The following AJAP1 variants were observed in gnomAD, a reference collection of about 807,000 sequenced individuals.
AJAP1 encodes the protein adherens junctions associated protein 1, also known as adherens junction-associated protein 1.
Under a neutral mutation model 35.0 loss-of-function variants are expected in AJAP1, and 5 were observed. That is an observed-to-expected ratio of 0.14 (90% confidence interval 0.07 to 0.30). The LOEUF is 0.30. Among genes scored for constraint, AJAP1 ranks in the 10% least tolerant of loss-of-function variants. AJAP1 has a pLI of 1.00. For synonymous variants in AJAP1, 284 were observed against 249.3 expected (o/e 1.14, Z -1.31); for missense variants, 586 against 571.0 (o/e 1.03, Z -0.27).
chr1:4,686,013 A>G (rs1413782445), intron 1 of AJAP1, among the ~76,000 whole-genome samples: 1 of 152,210 alleles, frequency 6.6e-6, no homozygotes, highest in Non-Finnish European at 1.5e-5. Flanking sequence ...TGTTTTCTGC[A>G]AGTAAATCCA....
intron 1 of AJAP1, among the ~76,000 whole-genome samples, chr1:4,681,276 G>A (rs1315222966): frequency 6.6e-6 from 1 of 152,238 alleles, no homozygotes; most frequent in African/African-American, 2.4e-5. Flanking sequence ...CACGGACAGT[G>A]TGCAAAATTG....
chr1:4,712,695 C>A lies in AJAP1; in HGVS notation c.825C>A (p.Ala275=). The A allele has an allele frequency of 6.6e-7, 1 of 1,512,328 alleles. No individual in the cohort carries two copies. The highest frequency in any genetic ancestry group is 8.9e-7 in the Non-Finnish European group (1 of 1,127,894). 93.7% of individuals were successfully genotyped at this position (1,512,328 alleles called of 1,614,324 possible). A position where few individuals can be genotyped will look rare whatever the true frequency, so the allele number is the denominator to read the frequency against. The change falls in exon 2 of 6, where the codon GCC becomes GCA. Residue 275 remains alanine (A), a synonymous_variant. Transcript: ENST00000378191. ...AGCCCCCAAGGATTCTGGGGGAGGCCTCAGGTACAGCCATCTCTCTTCTGG... is the reference window on the plus strand; with the variant it reads ...AGCCCCCAAGGATTCTGGGGGAGGCATCAGGTACAGCCATCTCTCTTCTGG... ...VTQPPRILGE[A]SGLAVHQIIT...
chr1:4,670,737 C>T (rs749603921), intron 1 of AJAP1, among the ~76,000 whole-genome samples: 1 of 152,246 alleles, frequency 6.6e-6, no homozygotes, highest in African/African-American at 2.4e-5. Flanking sequence ...CAAGAATGCA[C>T]TGGACAGCCT....
At chr1:4,729,863 T>G (rs1162984546) in intron 2 of AJAP1, among the ~76,000 whole-genome samples, 1 of 152,226 alleles carries the variant, frequency 6.6e-6, no homozygotes, top group Non-Finnish European at 1.5e-5. Flanking sequence ...GATGAGCTCC[T>G]TAGTCACATC....
rs909536547 is a variant in AJAP1, at chr1:4,723,620, G to C, written c.829+10921G>C. On this transcript the variant is annotated intron_variant, in intron 2 of 5. Transcript: ENST00000378191. This position sits in a 1 kb window ranked among gnomAD's most constrained non-coding sequence, Gnocchi z 4.3. ...GAGGCTGCTGGAGACGTGGTGAGGG[G>C]AGAGTCCTGCGAGGGCGATGGAAGG... Among the ~76,000 whole-genome samples, 5 of 152,138 alleles carry C rather than the reference G, an allele frequency of 3.3e-5. No individual in the cohort carries two copies. Among genetic ancestry groups the C allele is most frequent in the African/African-American group, 1.2e-4 (5 of 41,436 alleles).
chr1:4,732,494 C>T (rs998951340), intron 2 of AJAP1, among the ~76,000 whole-genome samples: 1 of 152,280 alleles, frequency 6.6e-6, no homozygotes, highest in Non-Finnish European at 1.5e-5. Flanking sequence ...GGCCTGCCAG[C>T]TGTCCCTCAG....
chr1:4,769,619 C>G (rs1380913464), intron 2 of AJAP1, among the ~76,000 whole-genome samples: 2 of 152,132 alleles, frequency 1.3e-5, no homozygotes, highest in African/African-American at 2.4e-5. Context: ...AAGGAGAGAG[C>G]CCAGAGCTGG....
rs1232728509 is a variant in AJAP1 at position 4,769,704 on chromosome 1, C to A, written c.830-149C>A. 8.4e-6 allele frequency: 6 copies of A among 715,184 alleles called. No homozygotes were observed. In the East Asian group the frequency reaches 1.2e-4, roughly 15 times the overall value. 44.3% of individuals were successfully genotyped at this position (715,184 alleles called of 1,614,324 possible). A position where few individuals can be genotyped will look rare whatever the true frequency, so the allele number is the denominator to read the frequency against. On this transcript the variant is annotated intron_variant, in intron 2 of 5. Transcript: ENST00000378191. The stretch of plus-strand genomic sequence containing the variant: ...TGCAGTCGAGGAGGAGAGAACTGAG[C>A]ACCTGTCATGCTGCCCCGAGTTCCC...
intron 2 of AJAP1, among the ~76,000 whole-genome samples, chr1:4,751,088 C>T (rs762085541): frequency 1.3e-5 from 2 of 151,994 alleles, no homozygotes; most frequent in Non-Finnish European, 2.9e-5. Context: ...TCCTGCACAA[C>T]CCCCAGTGCC....
chr1:4,675,673 A>G (rs1639347230), intron 1 of AJAP1, among the ~76,000 whole-genome samples: 1 of 152,234 alleles, frequency 6.6e-6, no homozygotes, highest in South Asian at 2.1e-4. Flanking sequence ...CAGGCAGGAC[A>G]TTCCAGGGGC....
intron 1 of AJAP1, among the ~76,000 whole-genome samples, chr1:4,662,874 AGG>A (rs1402600575): frequency 6.6e-6 from 1 of 152,218 alleles, no homozygotes; most frequent in Admixed American, 6.5e-5. Context: ...CTTGGTATAA[AGG>A]GGAATATTTT....
intron 2 of AJAP1, among the ~76,000 whole-genome samples, chr1:4,737,331 C>G (rs1640948968): frequency 6.6e-6 from 1 of 152,144 alleles, no homozygotes; most frequent in Non-Finnish European, 1.5e-5. Context: ...CACCACCCAC[C>G]CCTCGGCCCC....
At chr1:4,677,522 C>T (rs1639387978) in intron 1 of AJAP1, among the ~76,000 whole-genome samples, 1 of 151,904 alleles carries the variant, frequency 6.6e-6, no homozygotes. Flanking sequence ...GGGATTCCAC[C>T]TCTCTCTGGG....
intron 1 of AJAP1, among the ~76,000 whole-genome samples, chr1:4,683,460 G>T (rs1639533197): frequency 6.6e-6 from 1 of 152,224 alleles, no homozygotes; most frequent in Non-Finnish European, 1.5e-5. Flanking sequence ...CACTGGCCTG[G>T]GGACCCAACT....
At chr1:4,767,648 A>G (rs1641716550) in intron 2 of AJAP1, among the ~76,000 whole-genome samples, 1 of 151,784 alleles carries the variant, frequency 6.6e-6, no homozygotes, top group African/African-American at 2.4e-5. Flanking sequence ...CATCACCATC[A>G]CCACCATCAT....
chr1:4,760,063 T>C (rs2100344999), intron 2 of AJAP1, among the ~76,000 whole-genome samples: 1 of 152,308 alleles, frequency 6.6e-6, no homozygotes, highest in South Asian at 2.1e-4. Context: ...TCTCAAATGA[T>C]AGCAGAAGTT....
chr1:4,765,125 C>T (rs1358045786), intron 2 of AJAP1, among the ~76,000 whole-genome samples: 2 of 152,188 alleles, frequency 1.3e-5, no homozygotes, highest in Non-Finnish European at 2.9e-5. Context: ...CCCAAATTAG[C>T]AGAATAACAC....
chr1:4,780,633 C>CTTTTT (rs35738488), intron 5 of AJAP1, among the ~76,000 whole-genome samples: 26 of 131,442 alleles, frequency 2.0e-4, no homozygotes, highest in African/African-American at 3.1e-4. Context: ...TTCTTTCTTT[C>CTTTTT]TTTTTTTTTT....
intron 1 of AJAP1, among the ~76,000 whole-genome samples, chr1:4,673,540 T>G (rs1639292282): frequency 6.6e-6 from 1 of 152,208 alleles, no homozygotes. Flanking sequence ...CCCGGTATGG[T>G]GCCCTCCACA....
Sources: allele counts gnomAD v4.1 joint callset (sites outside exome capture counted in the v4.1 genomes callset), GRCh38; gene constraint gnomAD v4.1.1; non-coding constraint Gnocchi (gnomAD v3.1); transcripts MANE v1.5; gene names NCBI Gene and HGNC (gene_info 2026-07-23, HGNC 2026-07-21).